The following COL14A1 variants were observed in gnomAD, a reference collection of about 807,000 sequenced individuals.
The protein encoded by COL14A1 is collagen alpha-1(XIV) chain.
In COL14A1, 136 loss-of-function variants were observed where a neutral mutation model predicts 230.3. The ratio of observed to expected loss-of-function variants is 0.59; its 90% CI spans 0.51 to 0.68. The LOEUF (loss-of-function observed/expected upper bound fraction) is 0.68, where lower values mean the gene tolerates loss of function less well. Ranked by LOEUF, COL14A1 falls within the 30% of genes least tolerant of loss-of-function variation. The pLI, the probability that COL14A1 is intolerant of heterozygous loss-of-function variation, is 0.00. For missense variants in COL14A1, 1,976 were observed against 2,215.8 expected, an observed-to-expected ratio of 0.89 and a Z score of 2.17; for synonymous variants, 792 against 784.1, an observed-to-expected ratio of 1.01 and a Z score of -0.17.
chr8:120,340,723 C>T (rs1028533795), intron 42 of COL14A1, among the ~76,000 whole-genome samples: 3 of 152,086 alleles, frequency 2.0e-5, no homozygotes, highest in Non-Finnish European at 4.4e-5. Flanking sequence ...AGCTAAGCCA[C>T]ATAATAAAAT....
chr8:120,311,389 G>A (rs1821032186), intron 37 of COL14A1, among the ~76,000 whole-genome samples: 1 of 152,180 alleles, frequency 6.6e-6, no homozygotes, highest in South Asian at 2.1e-4. Context: ...ATCACTGGAT[G>A]ATCGTTCTAA....
At chr8:120,132,970 C>A (rs1012462832) in intron 1 of COL14A1, among the ~76,000 whole-genome samples, 3 of 152,230 alleles carry the variant, frequency 2.0e-5, no homozygotes, top group African/African-American at 7.2e-5. Context: ...GTAATCCCAG[C>A]ACTTTGGGAG....
chr8:120,147,733 C>A, intron 1 of COL14A1, 73 bp from the exon 2 acceptor site: 1 of 722,202 alleles, frequency 1.4e-6, no homozygotes, highest in Non-Finnish European at 2.3e-6. Flanking sequence ...TTGGCTTATT[C>A]GCCTGTCCTA....
chr8:120,276,837 T>TAA (rs60776239), intron 26 of COL14A1, among the ~76,000 whole-genome samples: 232 of 150,170 alleles, frequency 1.5e-3, no homozygotes, highest in Admixed American at 6.7e-3. Flanking sequence ...AGTATAATAA[T>TAA]AAAAAAAAAT....
rs536722895 is a variant in COL14A1, at chr8:120,312,855, A to G, written c.4456-1077A>G. Among the ~76,000 whole-genome samples, 27 of 152,328 alleles carry G rather than the reference A, an allele frequency of 1.8e-4. 1 individual carries two copies. The South Asian group carries it at 4.1e-3, about 23-fold the overall frequency. On this transcript the variant is annotated intron_variant, in intron 37 of 47. Coordinates refer to ENST00000297848, the MANE Select transcript of COL14A1 (RefSeq NM_021110.4). The stretch of plus-strand genomic sequence containing the variant: ...CGTGTTCACCAATCTCAGAGCTAAG[A>G]TGATACACAGATGTTGGAGGTCCTA...
intron 42 of COL14A1, 105 bp from the exon 43 acceptor site, chr8:120,341,220 C>T (rs1822283597): frequency 9.1e-7 from 1 of 1,101,530 alleles, no homozygotes; most frequent in African/African-American, 1.5e-5. Flanking sequence ...TGCAGAATTA[C>T]TGGTGCTAAG....
chr8:120,195,521 G>A (rs1385437112), intron 5 of COL14A1, among the ~76,000 whole-genome samples: 4 of 152,200 alleles, frequency 2.6e-5, no homozygotes, highest in East Asian at 1.9e-4. Context: ...CTGTTCTCAC[G>A]CTGCTAATAA....
chr8:120,289,649 T>C lies in COL14A1; in HGVS notation c.4119T>C (p.Ile1373=), dbSNP rs1586835112. 6.2e-7 allele frequency: 1 copy of C among 1,614,100 alleles called. No homozygotes were observed. Among genetic ancestry groups the C allele is most frequent in the East Asian group, 2.2e-5 (1 of 44,860 alleles). ...GTGAGACTTTGGTCAAAGTGGTTAT[T>C]GACTGCAAGCAAGTGGGTGAGAAGG... ...VVSETLVKVV[I]DCKQVGEKAM... The change falls in exon 34 of 48, where the codon ATT becomes ATC. Residue 1373 remains isoleucine, a synonymous_variant. Coordinates refer to ENST00000297848, the MANE Select transcript of COL14A1 (RefSeq NM_021110.4).
At chr8:120,205,612 C>T (rs1817403403) in intron 9 of COL14A1, among the ~76,000 whole-genome samples, 1 of 152,112 alleles carries the variant, frequency 6.6e-6, no homozygotes. Context: ...TTTCTGGCTA[C>T]ATGTCCTTCT....
intron 5 of COL14A1, among the ~76,000 whole-genome samples, chr8:120,168,669 G>A (rs553454754): frequency 1.3e-5 from 2 of 152,210 alleles, no homozygotes; most frequent in East Asian, 3.9e-4. Flanking sequence ...TTCCTTATCT[G>A]CAAAATGTGG....
intron 45 of COL14A1, among the ~76,000 whole-genome samples, chr8:120,360,219 G>A (rs1405111880): frequency 6.6e-6 from 1 of 152,192 alleles, no homozygotes; most frequent in Non-Finnish European, 1.5e-5. Flanking sequence ...CCAATGTATT[G>A]CCTTGTAGCA....
At chr8:120,128,235 G>A (rs1211792394) in intron 1 of COL14A1, among the ~76,000 whole-genome samples, 11 of 126,932 alleles carry the variant, frequency 8.7e-5, no homozygotes, top group African/African-American at 3.4e-4. Context: ...GCGCGTGTGT[G>A]TGTGTGTGTG....
intron 46 of COL14A1, among the ~76,000 whole-genome samples, chr8:120,369,051 C>A (rs1199833453): frequency 1.3e-5 from 2 of 152,182 alleles, no homozygotes; most frequent in Non-Finnish European, 2.9e-5. Context: ...TGGAAGGTTC[C>A]TTTCCCTTTA....
chr8:120,224,813 A>G (rs539452846), intron 14 of COL14A1, among the ~76,000 whole-genome samples: 2 of 152,342 alleles, frequency 1.3e-5, no homozygotes, highest in Admixed American at 1.3e-4. Context: ...TGGAAACATT[A>G]TCTCTATTTA....
At chr8:120,249,642 A>G (rs1263657098) in intron 21 of COL14A1, among the ~76,000 whole-genome samples, 1 of 152,200 alleles carries the variant, frequency 6.6e-6, no homozygotes, top group Non-Finnish European at 1.5e-5. Context: ...AACTGGTGAG[A>G]GAGGACTTGC....
chr8:120,252,015 GTATAA>G (rs147882851), intron 22 of COL14A1, among the ~76,000 whole-genome samples: 4,922 of 151,688 alleles, frequency 0.032, 93 homozygotes, highest in Non-Finnish European at 0.049. Context: ...CTTTATTGAG[GTATAA>G]TTGGCAAATA....
intron 1 of COL14A1, among the ~76,000 whole-genome samples, chr8:120,139,788 C>T (rs541187783): frequency 6.6e-6 from 1 of 152,054 alleles, no homozygotes; most frequent in African/African-American, 2.4e-5. Flanking sequence ...CACTGGGAGG[C>T]GGAGGTGGGA....
chr8:120,147,705 T>C lies in COL14A1; in HGVS notation c.-37-101T>C. Reference sequence around the variant, plus strand: ...ATGCTCTAGGGAATTAATTACTTCCTGACAATACTAATCCATGTTGGCTTA... The same window carrying C: ...ATGCTCTAGGGAATTAATTACTTCCCGACAATACTAATCCATGTTGGCTTA... On this transcript the variant is annotated intron_variant, in intron 1 of 47. Transcript: ENST00000297848. 4 of 599,938 alleles carry C rather than the reference T, an allele frequency of 6.7e-6. No homozygotes were observed. In the South Asian group the frequency reaches 8.5e-5, roughly 13 times the overall value. 37.2% of individuals were successfully genotyped at this position (599,938 alleles called of 1,614,324 possible). A position where few individuals can be genotyped will look rare whatever the true frequency, so the allele number is the denominator to read the frequency against.
chr8:120,263,266 C>T (rs1030658030), intron 24 of COL14A1, among the ~76,000 whole-genome samples: 1 of 152,120 alleles, frequency 6.6e-6, no homozygotes, highest in East Asian at 1.9e-4. Context: ...GATAGTAAAG[C>T]AGTTGAGACA....
Sources: allele counts gnomAD v4.1 joint callset (sites outside exome capture counted in the v4.1 genomes callset), GRCh38; gene constraint gnomAD v4.1.1; transcripts MANE v1.5; gene names NCBI Gene and HGNC (gene_info 2026-07-23, HGNC 2026-07-21).